Variants in DCDC2 observed in about 807,000 individuals in gnomAD.
The protein encoded by DCDC2 is doublecortin domain-containing protein 2.
Under a neutral mutation model 50.2 loss-of-function variants are expected in DCDC2, and 40 were observed. The ratio of observed to expected loss-of-function variants is 0.80; its 90% CI spans 0.62 to 1.04. DCDC2 has a LOEUF of 1.04. DCDC2 is among the 50% of genes least tolerant of loss of function. The pLI is 0.00. For missense variants in DCDC2, 570 were observed against 581.9 expected, an observed-to-expected ratio of 0.98 and a Z score of 0.21; for synonymous variants, 234 against 210.6, an observed-to-expected ratio of 1.11 and a Z score of -0.96.
At chr6:24,239,020 G>T (rs1239582493) in intron 7 of DCDC2, among the ~76,000 whole-genome samples, 3 of 152,190 alleles carry the variant, frequency 2.0e-5, no homozygotes, top group Non-Finnish European at 2.9e-5. Context: ...TTGTCATTCA[G>T]TGCCTTATCT....
chr6:24,291,091 T>C lies in DCDC2; in HGVS notation c.558-13A>G. On this transcript the variant is annotated splice_polypyrimidine_tract_variant and intron_variant, in intron 4 of 9. Coordinates refer to ENST00000378454, the MANE Select transcript of DCDC2 (RefSeq NM_016356.5). ...TAAAGTATAAAGCCTGTCGAAAATA[T>C]GAACACCAACAATTAGAATTTTAAC... The C allele has an allele frequency of 6.2e-7, 1 of 1,606,272 alleles. No homozygotes were observed. The highest frequency in any genetic ancestry group is 8.5e-7 in the Non-Finnish European group (1 of 1,177,696).
At chr6:24,288,311 G>A (rs979452237) in intron 6 of DCDC2, among the ~76,000 whole-genome samples, 1 of 152,166 alleles carries the variant, frequency 6.6e-6, no homozygotes, top group African/African-American at 2.4e-5. Flanking sequence ...ACACAAGAAG[G>A]TTAGGAAATT....
At chr6:24,206,698 A>G (rs916202875) in intron 7 of DCDC2, among the ~76,000 whole-genome samples, 23 of 152,236 alleles carry the variant, frequency 1.5e-4, no homozygotes, top group African/African-American at 3.6e-4. Context: ...TAGAATAAGC[A>G]TTTTACCAGA....
At chr6:24,377,229 T>C in the DCDC2 span, among the ~76,000 whole-genome samples, 1 of 152,230 alleles carries the variant, frequency 6.6e-6, no homozygotes, top group Non-Finnish European at 1.5e-5. Context: ...CTATGCCAGA[T>C]AGCATGTAGA....
chr6:24,225,999 C>T (rs1326140984), intron 7 of DCDC2, among the ~76,000 whole-genome samples: 1 of 152,232 alleles, frequency 6.6e-6, no homozygotes, highest in Non-Finnish European at 1.5e-5. Context: ...ACCACTTTCT[C>T]TTGCTTGCGT....
intron 8 of DCDC2, among the ~76,000 whole-genome samples, chr6:24,200,758 C>G (rs1761568259): frequency 6.6e-6 from 1 of 151,404 alleles, no homozygotes; most frequent in South Asian, 2.1e-4. Flanking sequence ...AGACTCATCT[C>G]ATGTGCAAAG....
chr6:24,234,905 C>T (rs1260181691), intron 7 of DCDC2, among the ~76,000 whole-genome samples: 1 of 152,138 alleles, frequency 6.6e-6, no homozygotes, highest in African/African-American at 2.4e-5. Flanking sequence ...ACTTGCCAAA[C>T]ACCCAGATTA....
Position 24,300,164 on chromosome 6 carries a change from C to T in DCDC2, c.557+1551G>A, listed in dbSNP as rs899982552. 6.6e-5 allele frequency among the ~76,000 whole-genome samples: 10 copies of T among 151,274 alleles called. 1 individual carries two copies. The East Asian group carries it at 1.2e-3, about 18-fold the overall frequency. ...CAGCACTTTGGGAGGCCAAGGCGGG[C>T]GGATTGCTTGACCCCAGGAGTTCAA... On this transcript the variant is annotated intron_variant, in intron 4 of 9. Transcript: ENST00000378454.
chr6:24,331,529 A>G (rs552288113), intron 2 of DCDC2, among the ~76,000 whole-genome samples: 8 of 152,288 alleles, frequency 5.3e-5, no homozygotes, highest in African/African-American at 1.7e-4. Context: ...ATGCGATACT[A>G]AAGTACAAAA....
In DCDC2 at chr6:24,196,162, C is replaced by T. The variant is rs187794234; in HGVS notation, c.1023+8840G>A. Among the ~76,000 whole-genome samples the T allele has an allele frequency of 4.6e-5, 7 of 152,108 alleles. No individual in the cohort carries two copies. In the East Asian group the frequency reaches 1.2e-3, roughly 25 times the overall value. ...TTTTCTAGCTAAGACAAGTAGTATA[C>T]CATGACTATATTTCCTTTCTTAATT... is the stretch of plus-strand genomic sequence containing the variant. On this transcript the variant is annotated intron_variant, in intron 8 of 9. Transcript: ENST00000378454.
chr6:24,281,208 A>G (rs1763461771), intron 6 of DCDC2, among the ~76,000 whole-genome samples: 1 of 152,208 alleles, frequency 6.6e-6, no homozygotes, highest in African/African-American at 2.4e-5. Flanking sequence ...CATAATGCAT[A>G]GATTTTGCAG....
chr6:24,244,670 G>A (rs1333823482), intron 7 of DCDC2, among the ~76,000 whole-genome samples: 2 of 152,172 alleles, frequency 1.3e-5, no homozygotes, highest in Non-Finnish European at 2.9e-5. Flanking sequence ...AAAGGCCACT[G>A]CCCTTTGTCT....
At chr6:24,372,777 G>T in the DCDC2 span, among the ~76,000 whole-genome samples, 3 of 152,034 alleles carry the variant, frequency 2.0e-5, no homozygotes, top group South Asian at 6.2e-4. Context: ...GGGGTGGGGA[G>T]AGGGGGGAGG....
chr6:24,238,348 G>T (rs1261223645), intron 7 of DCDC2, among the ~76,000 whole-genome samples: 1 of 150,936 alleles, frequency 6.6e-6, no homozygotes, highest in African/African-American at 2.4e-5. Flanking sequence ...GCCCAGGCTG[G>T]AGTGTGGTGG....
chr6:24,240,708 G>A (rs1762546940), intron 7 of DCDC2, among the ~76,000 whole-genome samples: 1 of 152,140 alleles, frequency 6.6e-6, no homozygotes, highest in South Asian at 2.1e-4. Flanking sequence ...ATAGCATCAC[G>A]CTGTGGTCAG....
intron 2 of DCDC2, among the ~76,000 whole-genome samples, chr6:24,320,338 G>T (rs115699361): frequency 0.075 from 11,339 of 152,134 alleles, 685 homozygotes; most frequent in East Asian, 0.34. Flanking sequence ...TTTGTTTTGT[G>T]GGGGGTGGGG....
the DCDC2 span, among the ~76,000 whole-genome samples, chr6:24,371,225 C>T: frequency 7.0e-6 from 1 of 143,800 alleles, no homozygotes; most frequent in African/African-American, 2.6e-5. Context: ...TGCAGTGAGC[C>T]GAGATCGCGC....
chr6:24,264,941 G>C (rs1763087166), intron 7 of DCDC2, among the ~76,000 whole-genome samples: 1 of 151,944 alleles, frequency 6.6e-6, no homozygotes, highest in African/African-American at 2.4e-5. Flanking sequence ...ATTCCATGCA[G>C]ATGGAAACCA....
intron 7 of DCDC2, among the ~76,000 whole-genome samples, chr6:24,270,814 G>A (rs1763221391): frequency 6.6e-6 from 1 of 152,174 alleles, no homozygotes; most frequent in South Asian, 2.1e-4. Context: ...AATGCTCAGA[G>A]TGACCCAATT....
Sources: gnomAD v4.1 joint callset for allele counts (sites outside exome capture counted in the v4.1 genomes callset) on GRCh38, gnomAD v4.1.1 for gene constraint, MANE v1.5 for transcripts, NCBI Gene and HGNC (gene_info 2026-07-23, HGNC 2026-07-21) for gene names.